The following VGLL3 variants were observed in gnomAD, a reference collection of about 807,000 sequenced individuals.
VGLL3 encodes the protein vestigial like family member 3, also known as transcription cofactor vestigial-like protein 3.
VGLL3 carries 18 observed loss-of-function variants against 29.2 expected under a neutral mutation model. The observed-to-expected ratio is 0.62, with a 90% CI of 0.43 to 0.91. VGLL3 has a LOEUF of 0.91. Ranked by LOEUF, VGLL3 falls within the 40% of genes least tolerant of loss-of-function variation. The pLI is 0.00. For missense variants in VGLL3, 440 were observed against 413.2 expected (o/e 1.06, Z -0.56); for synonymous variants, 180 against 151.8 (o/e 1.19, Z -1.36).
At chr3:86,958,949 T>C (rs1334205549) in intron 3 of VGLL3, among the ~76,000 whole-genome samples, 4 of 152,202 alleles carry the variant, frequency 2.6e-5, no homozygotes, top group Admixed American at 2.0e-4. Flanking sequence ...GTAGAAAGTG[T>C]GAAGCAATCG....
intron 3 of VGLL3, chr3:86,962,490 A>C: frequency 1.0e-6 from 1 of 985,422 alleles, no homozygotes; most frequent in Non-Finnish European, 1.2e-6. Context: ...TTGCCTACCA[A>C]ACCTCAAACT....
At chr3:86,982,355 A>G (rs1184337948) in intron 1 of VGLL3, among the ~76,000 whole-genome samples, 1 of 151,890 alleles carries the variant, frequency 6.6e-6, no homozygotes, top group Non-Finnish European at 1.5e-5. Context: ...TATGTTGGCC[A>G]GGCTGCTCTC....
chr3:86,978,428 A>T, intron 2 of VGLL3, 98 bp downstream of exon 2: 1 of 1,330,900 alleles, frequency 7.5e-7, no homozygotes, highest in African/African-American at 1.5e-5. Context: ...AAGCAAGTGG[A>T]TATCCATCCT....
chr3:86,960,932 GATAT>G (rs57744873), intron 3 of VGLL3, among the ~76,000 whole-genome samples: 7,480 of 137,692 alleles, frequency 0.054, 387 homozygotes, highest in African/African-American at 0.15. Flanking sequence ...AAGTAATTGT[GATAT>G]ATATATATAT....
chr3:86,973,414 T>C (rs542970431), intron 2 of VGLL3, among the ~76,000 whole-genome samples: 30 of 152,320 alleles, frequency 2.0e-4, no homozygotes, highest in African/African-American at 5.3e-4. Context: ...GCCATTCTCT[T>C]GTTGTTCTTC....
intron 2 of VGLL3, among the ~76,000 whole-genome samples, chr3:86,970,013 T>C (rs1705060525): frequency 6.6e-6 from 1 of 152,148 alleles, no homozygotes; most frequent in Non-Finnish European, 1.5e-5. Context: ...CAATTGTAAC[T>C]GTGAACCTCA....
intron 1 of VGLL3, among the ~76,000 whole-genome samples, chr3:86,981,849 A>G (rs956625043): frequency 1.3e-5 from 2 of 151,978 alleles, no homozygotes; most frequent in Non-Finnish European, 2.9e-5. Context: ...AACACACACA[A>G]GCACACACAC....
At chr3:86,956,810 A>AAAAG (rs1559722139) in intron 3 of VGLL3, among the ~76,000 whole-genome samples, 9 of 151,386 alleles carry the variant, frequency 5.9e-5, no homozygotes, top group Non-Finnish European at 7.4e-5. Context: ...AAAAAAAAAA[A>AAAAG]AAAGAAAGAA....
chr3:86,950,291 C>T (rs1704590941), intron 3 of VGLL3, among the ~76,000 whole-genome samples: 1 of 152,000 alleles, frequency 6.6e-6, no homozygotes, highest in Non-Finnish European at 1.5e-5. Context: ...TTTCTTAGGG[C>T]CTTAATGATT....
chr3:86,989,785 A>G (rs1224405472), intron 1 of VGLL3, among the ~76,000 whole-genome samples: 1 of 152,132 alleles, frequency 6.6e-6, no homozygotes, highest in Non-Finnish European at 1.5e-5. Flanking sequence ...AAGCCTTGGC[A>G]CACTCTCCGT....
At chr3:86,967,612 A>C (rs1224912934) in intron 3 of VGLL3, among the ~76,000 whole-genome samples, 2 of 152,220 alleles carry the variant, frequency 1.3e-5, no homozygotes, top group Non-Finnish European at 2.9e-5. Context: ...TCCACACTAC[A>C]GAAAAGCTAA....
chr3:86,974,934 T>C (rs1424956050), intron 2 of VGLL3, among the ~76,000 whole-genome samples: 5 of 152,178 alleles, frequency 3.3e-5, no homozygotes, highest in African/African-American at 9.6e-5. Flanking sequence ...GTTTTCTATG[T>C]GTCAAATGAG....
In VGLL3 at chr3:86,962,125, C is replaced by T. The variant is rs865856932; in HGVS notation, c.937+6465G>A. The T allele has an allele frequency of 2.2e-5, 22 of 985,228 alleles. No individual in the cohort carries two copies. In the Middle Eastern group the frequency reaches 3.1e-3, roughly 140 times the overall value. The allele number at this position is 985,228 out of a possible 1,614,324, so 61.0% of individuals were successfully genotyped here. A position where few individuals can be genotyped will look rare whatever the true frequency, so the allele number is the denominator to read the frequency against. On this transcript the variant is annotated intron_variant, in intron 3 of 3. Coordinates refer to ENST00000398399, the MANE Select transcript of VGLL3 (RefSeq NM_016206.4). Reference sequence around the variant, plus strand: ...GACTGATAAAGGAAAGGGAAAAAGCCTAATGTGAGATTTGTGATAACAGCC... The same window carrying T: ...GACTGATAAAGGAAAGGGAAAAAGCTTAATGTGAGATTTGTGATAACAGCC...
chr3:86,986,683 C>A (rs909803728), intron 1 of VGLL3, among the ~76,000 whole-genome samples: 1 of 152,106 alleles, frequency 6.6e-6, no homozygotes, highest in Non-Finnish European at 1.5e-5. Context: ...TAACTGTATT[C>A]TTTTCTCTTA....
chr3:86,957,055 A>G (rs1393426964), intron 3 of VGLL3, among the ~76,000 whole-genome samples: 2 of 152,128 alleles, frequency 1.3e-5, no homozygotes, highest in African/African-American at 4.8e-5. Context: ...ATGAATAAAT[A>G]TCTCAACAAT....
At chr3:86,969,155 A>G (rs748373567) in intron 2 of VGLL3, 32 bp from the exon 3 acceptor site, 68 of 1,529,074 alleles carry the variant, frequency 4.4e-5, no homozygotes, top group Non-Finnish European at 5.6e-5. Flanking sequence ...AACATTATTA[A>G]CATAAGACTC....
chr3:86,970,811 C>G (rs191577290), intron 2 of VGLL3, among the ~76,000 whole-genome samples: 1 of 152,160 alleles, frequency 6.6e-6, no homozygotes, highest in East Asian at 1.9e-4. Flanking sequence ...ACCAAGGAGC[C>G]CAGCTCTGAT....
At chr3:86,983,460 C>T (rs115898267) in intron 1 of VGLL3, among the ~76,000 whole-genome samples, 51 of 152,308 alleles carry the variant, frequency 3.3e-4, no homozygotes, top group African/African-American at 1.1e-3. Flanking sequence ...GGCGTGACCA[C>T]GGCTCACTGC....
rs1704381703 is a variant in VGLL3, at chr3:86,940,849, C to T, written c.*6175G>A. 6.6e-6 allele frequency: 1 copy of T among 152,090 alleles called. No homozygotes were observed. The highest frequency in any genetic ancestry group is 2.1e-4 in the South Asian group (1 of 4,828). The allele number at this position is 152,090 out of a possible 1,614,324, so 9.4% of individuals were successfully genotyped here. A position where few individuals can be genotyped will look rare whatever the true frequency, so the allele number is the denominator to read the frequency against. ...AAAGCCAAAAGTTTTATGAATTATA[C>T]TTTTTTTATTAGTTAAAAATGACAG... On this transcript the variant is annotated 3_prime_UTR_variant, in exon 4 of 4. Transcript: ENST00000398399.
Sources: allele counts gnomAD v4.1 joint callset (sites outside exome capture counted in the v4.1 genomes callset), GRCh38; gene constraint gnomAD v4.1.1; transcripts MANE v1.5; gene names NCBI Gene and HGNC (gene_info 2026-07-23, HGNC 2026-07-21).